BCL2: variants seen among roughly 807,000 people sequenced by gnomAD.
BCL2 encodes BCL2 apoptosis regulator.
BCL2 carries 1 observed loss-of-function variant against 14.2 expected under a neutral mutation model. The ratio of observed to expected loss-of-function variants is 0.07; its 90% CI spans 0.02 to 0.33. The LOEUF is 0.33. Ranked by LOEUF, BCL2 falls within the 10% of genes least tolerant of loss-of-function variation. The pLI is 0.99. For synonymous variants in BCL2, 151 were observed against 137.2 expected (o/e 1.10, Z -0.70); for missense variants, 247 against 305.9 (o/e 0.81, Z 1.44).
chr18:63,169,336 C>CTTTCTTTCTTT lies in BCL2; in HGVS notation c.586-40578_586-40577insAAAGAAAGAAA, dbSNP rs1555697352. On this transcript the variant is annotated intron_variant, in intron 2 of 2. Transcript: ENST00000333681. ...CCTTCCTTCCTTCTTTCCTTTCCTTCCTTTCTTTCTTTCTTTCTTTCTTTC... is the reference window on the plus strand; with the variant it reads ...CCTTCCTTCCTTCTTTCCTTTCCTTCTTTCTTTCTTTCTTTCTTTCTTTCTTTCTTTCTTTC... 7.2e-3 allele frequency among the ~76,000 whole-genome samples: 449 copies of CTTTCTTTCTTT among 62,086 alleles called. 25 individuals are homozygous for CTTTCTTTCTTT. Among genetic ancestry groups the CTTTCTTTCTTT allele is most frequent in the Non-Finnish European group, 7.7e-3 (257 of 33,294 alleles). 40.7% of individuals were successfully genotyped at this position (62,086 alleles called of 152,430 possible). A position where few individuals can be genotyped will look rare whatever the true frequency, so the allele number is the denominator to read the frequency against.
At position 63,208,706 on chromosome 18, in the gene BCL2, G is replaced by A. The variant is rs796967289; in HGVS notation, c.586-79947C>T. Among the ~76,000 whole-genome samples the A allele has an allele frequency of 5.9e-5, 9 of 152,320 alleles. 1 individual carries two copies. The highest frequency in any genetic ancestry group is 2.2e-4 in the African/African-American group (9 of 41,574). On this transcript the variant is annotated intron_variant, in intron 2 of 2. Transcript: ENST00000333681. Reference sequence around the variant, plus strand: ...GGTTTTAACTATCGGGCTAAGGAAAGCTGCATTGTTCCTAACAACTGGGCA... The same window carrying A: ...GGTTTTAACTATCGGGCTAAGGAAAACTGCATTGTTCCTAACAACTGGGCA...
At chr18:63,290,817 C>T (rs1013471415) in intron 2 of BCL2, among the ~76,000 whole-genome samples, 6 of 152,188 alleles carry the variant, frequency 3.9e-5, no homozygotes, top group Non-Finnish European at 7.3e-5. Flanking sequence ...TCTGCAGTTG[C>T]CACAGATACA....
intron 2 of BCL2, among the ~76,000 whole-genome samples, chr18:63,225,080 T>A (rs986340276): frequency 3.0e-4 from 45 of 152,000 alleles, no homozygotes; most frequent in African/African-American, 1.0e-3. Context: ...ACTAATGTGA[T>A]CAGCTTTGTG....
intron 2 of BCL2, among the ~76,000 whole-genome samples, chr18:63,307,485 T>C (rs1400549139): frequency 6.6e-6 from 1 of 152,236 alleles, no homozygotes; most frequent in African/African-American, 2.4e-5. Context: ...AATAACCCCT[T>C]AACTGTATTC....
chr18:63,312,588 T>C (rs1357905355), intron 2 of BCL2, among the ~76,000 whole-genome samples: 1 of 152,226 alleles, frequency 6.6e-6, no homozygotes, highest in African/African-American at 2.4e-5. Context: ...AGTGTTACAA[T>C]GGACTGTGAA....
At chr18:63,130,279 A>C (rs1334525952) in intron 2 of BCL2, among the ~76,000 whole-genome samples, 2 of 152,226 alleles carry the variant, frequency 1.3e-5, no homozygotes, top group African/African-American at 4.8e-5. Flanking sequence ...CCCTGACTCA[A>C]AGCACACAGT....
At chr18:63,206,460 G>A (rs1016944478) in intron 2 of BCL2, among the ~76,000 whole-genome samples, 1 of 152,092 alleles carries the variant, frequency 6.6e-6, no homozygotes, top group Non-Finnish European at 1.5e-5. Context: ...ACTTTCCTAG[G>A]TTCCATTTCC....
chr18:63,262,873 T>C (rs1911700876), intron 2 of BCL2, among the ~76,000 whole-genome samples: 1 of 152,204 alleles, frequency 6.6e-6, no homozygotes, highest in East Asian at 1.9e-4. Context: ...ATTTAGGACT[T>C]CTGTTCTCAG....
intron 2 of BCL2, among the ~76,000 whole-genome samples, chr18:63,312,805 C>A (rs1323535949): frequency 2.0e-5 from 3 of 152,146 alleles, no homozygotes; most frequent in Non-Finnish European, 4.4e-5. Flanking sequence ...CTAATCGGAG[C>A]CTTGATTGTC....
intron 2 of BCL2, chr18:63,207,812 A>T (rs954037779): frequency 2.0e-5 from 3 of 152,260 alleles, no homozygotes; most frequent in Admixed American, 2.0e-4. Context: ...GCCTGAAAGG[A>T]AAGTTGGACT....
chr18:63,317,584 G>T, intron 2 of BCL2: 1 of 991,238 alleles, frequency 1.0e-6, no homozygotes, highest in South Asian at 4.7e-5. Context: ...TTGGTCTTCT[G>T]TGGAGTCTAT....
At chr18:63,187,290 T>C (rs956529982) in intron 2 of BCL2, among the ~76,000 whole-genome samples, 1 of 152,226 alleles carries the variant, frequency 6.6e-6, no homozygotes, top group African/African-American at 2.4e-5. Context: ...GTAATCCTGA[T>C]ATGATAAGGC....
intron 2 of BCL2, among the ~76,000 whole-genome samples, chr18:63,277,418 A>G (rs1403182484): frequency 6.6e-6 from 1 of 151,490 alleles, no homozygotes; most frequent in Non-Finnish European, 1.5e-5. Flanking sequence ...AAATCACTCA[A>G]GGTTAGGCAT....
intron 2 of BCL2, among the ~76,000 whole-genome samples, chr18:63,280,458 T>C (rs899937657): frequency 6.6e-6 from 1 of 152,184 alleles, no homozygotes; most frequent in Non-Finnish European, 1.5e-5. Flanking sequence ...GTCCAGAATA[T>C]GTAAAGAACG....
At chr18:63,155,212 C>T (rs1269774512) in intron 2 of BCL2, among the ~76,000 whole-genome samples, 1 of 152,176 alleles carries the variant, frequency 6.6e-6, no homozygotes, top group Non-Finnish European at 1.5e-5. Context: ...ATGGCAGTGT[C>T]CTTTGTCCCC....
chr18:63,130,148 G>A lies in BCL2; in HGVS notation c.586-1389C>T, dbSNP rs76932643. 1.8e-3 allele frequency among the ~76,000 whole-genome samples: 267 copies of A among 152,296 alleles called. 1 individual carries two copies. In the East Asian group the frequency reaches 0.048, roughly 27 times the overall value. On this transcript the variant is annotated intron_variant, in intron 2 of 2. Coordinates refer to ENST00000333681, the MANE Select transcript of BCL2 (RefSeq NM_000633.3). ...TATGTTTCACATTTGGGTCCAATGA[G>A]TATTTGGACAACTTTCTGAATGAAT... is the stretch of plus-strand genomic sequence containing the variant.
chr18:63,141,842 G>A (rs746417614), intron 2 of BCL2, among the ~76,000 whole-genome samples: 6 of 152,244 alleles, frequency 3.9e-5, no homozygotes, highest in African/African-American at 1.4e-4. Flanking sequence ...TCTACTTGTC[G>A]GTCATGATTT....
chr18:63,280,428 A>G (rs72629888), intron 2 of BCL2, among the ~76,000 whole-genome samples: 4,805 of 152,330 alleles, frequency 0.032, 164 homozygotes, highest in East Asian at 0.12. Context: ...TGCAAATTGT[A>G]TATCTGATAA....
At chr18:63,153,434 G>A (rs1177462798) in intron 2 of BCL2, among the ~76,000 whole-genome samples, 3 of 152,268 alleles carry the variant, frequency 2.0e-5, no homozygotes, top group East Asian at 1.9e-4. Context: ...TTATTTACAA[G>A]TAGCTTACAG....
Sources: allele counts gnomAD v4.1 joint callset (sites outside exome capture counted in the v4.1 genomes callset), GRCh38; gene constraint gnomAD v4.1.1; transcripts MANE v1.5; gene names NCBI Gene and HGNC (gene_info 2026-07-23, HGNC 2026-07-21).